SORBS2: variants seen among roughly 807,000 people sequenced by gnomAD.
SORBS2 encodes sorbin and SH3 domain-containing protein 2.
A neutral mutation model predicts 97.7 loss-of-function variants in SORBS2; 46 were observed. The ratio of observed to expected loss-of-function variants is 0.47; its 90% CI spans 0.37 to 0.60. The LOEUF (loss-of-function observed/expected upper bound fraction) is 0.60. Among genes scored for constraint, SORBS2 ranks in the 20% least tolerant of loss-of-function variants. SORBS2 has a pLI of 0.00. For missense variants in SORBS2, 1,316 were observed against 1,282.3 expected (o/e 1.03, Z -0.40); for synonymous variants, 476 against 473.4 (o/e 1.01, Z -0.07).
At chr4:185,668,226 G>A (rs576807106) in intron 4 of SORBS2, among the ~76,000 whole-genome samples, 4 of 152,298 alleles carry the variant, frequency 2.6e-5, no homozygotes, top group African/African-American at 9.6e-5. Context: ...AATCACCATT[G>A]TCACGGGTAA....
At chr4:185,904,208 G>T (rs539094272) in intron 1 of SORBS2, among the ~76,000 whole-genome samples, 2 of 152,298 alleles carry the variant, frequency 1.3e-5, no homozygotes, top group Admixed American at 1.3e-4. Flanking sequence ...AAAAAGACCT[G>T]CCTAATGTCT....
Position 185,694,714 on chromosome 4 carries a change from TTC to T in SORBS2, c.-197-15894_-197-15893del, listed in dbSNP as rs1328944508. On this transcript the variant is annotated intron_variant, in intron 2 of 20. Transcript: ENST00000284776. ...TCTTTTTCCTTTTCTTTCTTTTCTT[TTC>T]TTTTTTTTGAGACGGAGTCTCACTC... Among the ~76,000 whole-genome samples the T allele has an allele frequency of 8.0e-4, 110 of 137,922 alleles. 7 individuals are homozygous for T. Among genetic ancestry groups the T allele is most frequent in the Admixed American group, 7.9e-3 (107 of 13,504 alleles). 90.5% of individuals were successfully genotyped at this position (137,922 alleles called of 152,430 possible).
chr4:185,813,326 G>A (rs6858186), intron 1 of SORBS2, among the ~76,000 whole-genome samples: 46,391 of 152,012 alleles, frequency 0.31, 7,315 homozygotes, highest in South Asian at 0.35. Flanking sequence ...GACTGCATAG[G>A]AATCCTGTGG....
chr4:185,765,381 T>TTTA (rs35855920), intron 2 of SORBS2, among the ~76,000 whole-genome samples: 39,324 of 151,916 alleles, frequency 0.26, 5,337 homozygotes, highest in Admixed American at 0.33. Context: ...CACCTGTGGT[T>TTTA]TTAAGTATTT....
At chr4:185,817,969 T>G (rs563491204) in intron 1 of SORBS2, among the ~76,000 whole-genome samples, 1 of 152,074 alleles carries the variant, frequency 6.6e-6, no homozygotes, top group South Asian at 2.1e-4. Flanking sequence ...CGTTTTAGGA[T>G]CCAACGGTCC....
intron 2 of SORBS2, chr4:185,774,626 C>G (rs1282697446): frequency 2.0e-5 from 3 of 152,088 alleles, no homozygotes; most frequent in African/African-American, 7.2e-5. Context: ...CAGCAAAAGA[C>G]AGTCAGCTTA....
chr4:185,712,801 G>T (rs1007742546), intron 2 of SORBS2, among the ~76,000 whole-genome samples: 1 of 152,176 alleles, frequency 6.6e-6, no homozygotes, highest in Admixed American at 6.5e-5. Flanking sequence ...AGAGGGGCAG[G>T]CTGAGTAAAT....
chr4:185,653,076 T>C (rs955664682), intron 1 of SORBS2, among the ~76,000 whole-genome samples: 1 of 152,272 alleles, frequency 6.6e-6, no homozygotes, highest in Admixed American at 6.5e-5. Context: ...GTTTAACTCC[T>C]TTTGGTAGAT....
intron 1 of SORBS2, among the ~76,000 whole-genome samples, chr4:185,955,787 C>T (rs2099279243): frequency 6.6e-6 from 1 of 152,110 alleles, no homozygotes; most frequent in Non-Finnish European, 1.5e-5. Flanking sequence ...CTTTGATCAG[C>T]AATTTGGCCT....
chr4:185,687,936 C>A (rs537166224), intron 2 of SORBS2, among the ~76,000 whole-genome samples: 15 of 152,274 alleles, frequency 9.9e-5, no homozygotes, highest in African/African-American at 2.9e-4. Flanking sequence ...AGAATCCTAA[C>A]GCTGGTCTTG....
intron 3 of SORBS2, among the ~76,000 whole-genome samples, chr4:185,647,838 C>G (rs1156395322): frequency 6.6e-6 from 1 of 152,104 alleles, no homozygotes; most frequent in Admixed American, 6.5e-5. Flanking sequence ...CATATGAAAG[C>G]CATATGGAAT....
chr4:185,681,788 C>T (rs549221307), intron 2 of SORBS2, among the ~76,000 whole-genome samples: 31 of 152,180 alleles, frequency 2.0e-4, no homozygotes, highest in Middle Eastern at 3.4e-3. Context: ...AACTGGATGC[C>T]CTCCATGGCC....
intron 1 of SORBS2, among the ~76,000 whole-genome samples, chr4:185,947,967 A>T (rs376905289): frequency 6.6e-6 from 1 of 152,224 alleles, no homozygotes; most frequent in African/African-American, 2.4e-5. Flanking sequence ...TGTGCTTAGC[A>T]TGGAACCCGG....
intron 1 of SORBS2, among the ~76,000 whole-genome samples, chr4:185,871,730 C>G (rs2603722): frequency 0.52 from 79,608 of 152,082 alleles, 21,315 homozygotes; most frequent in East Asian, 0.72. Flanking sequence ...AGGTGGAGAT[C>G]GTTTCATCTG....
rs529109222 is a variant in SORBS2 at position 185,935,426 on chromosome 4, C to T, written c.-338+20770G>A. Among the ~76,000 whole-genome samples, 5 of 152,272 alleles carry T rather than the reference C, an allele frequency of 3.3e-5. No homozygotes were observed. The South Asian group carries it at 1.0e-3, about 32-fold the overall frequency. ...TGACTTTTGCATCAGTTTTCTCTGCCCCCATAAGCTTGTTGAGATATAAAG... is the reference window on the plus strand; with the variant it reads ...TGACTTTTGCATCAGTTTTCTCTGCTCCCATAAGCTTGTTGAGATATAAAG... On this transcript the variant is annotated intron_variant, in intron 1 of 20. Transcript: ENST00000284776.
In SORBS2 at chr4:185,822,977, C is replaced by A. The variant is rs1438563469; in HGVS notation, c.-337-47611G>T. On this transcript the variant is annotated intron_variant, in intron 1 of 20. Transcript: ENST00000284776. ...CTGAGTCATGCAGGAAGCTGCCTTT[C>A]CTTTTTGTTCCTAAGCAGAAGCTAC... 2.6e-5 allele frequency among the ~76,000 whole-genome samples: 4 copies of A among 152,220 alleles called. No homozygotes were observed. In the East Asian group the frequency reaches 7.7e-4, roughly 29 times the overall value.
chr4:185,657,079 G>T, upstream of SORBS2: 1 of 375,948 alleles, frequency 2.7e-6, no homozygotes, highest in Non-Finnish European at 3.9e-6. Context: ...AATTTCCATT[G>T]TCTTGTTCCT....
chr4:185,717,251 C>T (rs1342489244), intron 2 of SORBS2, among the ~76,000 whole-genome samples: 2 of 152,186 alleles, frequency 1.3e-5, no homozygotes, highest in East Asian at 1.9e-4. Context: ...CTCTGTGTTT[C>T]CTTTGATTAT....
chr4:185,778,169 G>C (rs1282821718), intron 1 of SORBS2, among the ~76,000 whole-genome samples: 1 of 152,148 alleles, frequency 6.6e-6, no homozygotes, highest in African/African-American at 2.4e-5. Context: ...AATTACCTAT[G>C]TGACTTGCAT....
Sources: gnomAD v4.1 joint callset for allele counts (sites outside exome capture counted in the v4.1 genomes callset) on GRCh38, gnomAD v4.1.1 for gene constraint, MANE v1.5 for transcripts, NCBI Gene and HGNC (gene_info 2026-07-23, HGNC 2026-07-21) for gene names.